PCDHA4: variants seen among roughly 807,000 people sequenced by gnomAD.
PCDHA4 encodes the protein protocadherin alpha-4.
PCDHA4 carries 49 observed loss-of-function variants against 61.4 expected under a neutral mutation model. That is an observed-to-expected ratio of 0.80 (90% CI 0.63 to 1.01). PCDHA4 has a LOEUF of 1.01. Among genes scored for constraint, PCDHA4 ranks in the 50% least tolerant of loss-of-function variants. PCDHA4 has a pLI of 0.00. For missense variants in PCDHA4, 1,254 were observed against 1,235.8 expected, an observed-to-expected ratio of 1.01 and a Z score of -0.22; for synonymous variants, 590 against 550.3, an observed-to-expected ratio of 1.07 and a Z score of -1.01.
chr5:140,848,317 A>T, intron 1 of PCDHA4: 1 of 749,894 alleles, frequency 1.3e-6, no homozygotes. Context: ...CTTTGCCGCG[A>T]TGTTCTCTCT....
chr5:140,857,527 G>T (rs147361555), intron 1 of PCDHA4: 13 of 1,597,684 alleles, frequency 8.1e-6, no homozygotes, highest in Non-Finnish European at 1.1e-5. Flanking sequence ...CCTACTCTCT[G>T]GTGGAGCGGC....
rs566250084 is a variant in PCDHA4 at position 140,877,055 on chromosome 5, T to G, written c.2385+67483T>G. The G allele has an allele frequency of 2.5e-6, 4 of 1,612,792 alleles. No homozygotes were observed. In the East Asian group the frequency reaches 8.9e-5, roughly 36 times the overall value. On this transcript the variant is annotated intron_variant, in intron 1 of 3. Coordinates refer to ENST00000530339, the MANE Select transcript of PCDHA4 (RefSeq NM_018907.4). ...CTGCAGCCGCTAGACCACGAGGAGC[T>G]GGAGCTGCTGCAGTTCCAGGTGAGC...
intron 3 of PCDHA4, among the ~76,000 whole-genome samples, chr5:140,994,883 A>T (rs1197020328): frequency 6.6e-6 from 1 of 152,222 alleles, no homozygotes; most frequent in Non-Finnish European, 1.5e-5. Flanking sequence ...AAGAGATGTT[A>T]GGAAATGAGA....
intron 1 of PCDHA4, among the ~76,000 whole-genome samples, chr5:140,908,585 G>A (rs782742805): frequency 3.9e-5 from 6 of 152,160 alleles, no homozygotes; most frequent in South Asian, 4.1e-4. Flanking sequence ...AGAGTAGTTA[G>A]CTGCAGAAGA....
intron 1 of PCDHA4, among the ~76,000 whole-genome samples, chr5:140,900,791 T>A (rs2068293056): frequency 6.6e-6 from 1 of 152,200 alleles, no homozygotes; most frequent in African/African-American, 2.4e-5. Flanking sequence ...TCCAAACTGT[T>A]CTCCATAGTG....
chr5:140,988,051 T>C (rs903060920), intron 3 of PCDHA4, among the ~76,000 whole-genome samples: 2 of 152,240 alleles, frequency 1.3e-5, no homozygotes, highest in African/African-American at 2.4e-5. Flanking sequence ...TTAGGAGCAC[T>C]GTCAACATGA....
chr5:140,925,596 T>G (rs1218423622), intron 1 of PCDHA4, among the ~76,000 whole-genome samples: 1 of 151,466 alleles, frequency 6.6e-6, no homozygotes, highest in Admixed American at 6.6e-5. Context: ...TGTATACATA[T>G]GTAACAAACC....
At chr5:140,977,284 G>T (rs1377580391) in intron 1 of PCDHA4, among the ~76,000 whole-genome samples, 1 of 152,210 alleles carries the variant, frequency 6.6e-6, no homozygotes, top group Admixed American at 6.5e-5. Flanking sequence ...TCAAAGGAAG[G>T]TTCTCTCAGC....
chr5:140,862,992 C>T (rs781974665), intron 1 of PCDHA4: 29 of 548,250 alleles, frequency 5.3e-5, no homozygotes, highest in South Asian at 3.7e-4. Context: ...AAGGTGCGCA[C>T]GGTGGACTCC....
intron 3 of PCDHA4, among the ~76,000 whole-genome samples, chr5:141,000,691 G>A (rs1177204689): frequency 3.3e-5 from 5 of 151,460 alleles, no homozygotes; most frequent in African/African-American, 1.2e-4. Flanking sequence ...GCCTCCCAAA[G>A]TGCTGGGATT....
At chr5:140,818,515 C>T (rs1370679043) in intron 1 of PCDHA4, among the ~76,000 whole-genome samples, 2 of 152,136 alleles carry the variant, frequency 1.3e-5, no homozygotes, top group Non-Finnish European at 2.9e-5. Context: ...TCAGATATAA[C>T]CTGAGAGATT....
intron 1 of PCDHA4, among the ~76,000 whole-genome samples, chr5:140,944,151 A>G (rs2093615419): frequency 6.6e-6 from 1 of 152,070 alleles, no homozygotes; most frequent in African/African-American, 2.4e-5. Flanking sequence ...GAAGAGTTGA[A>G]AATTAAAGGG....
At chr5:140,849,106 A>C (rs2150430593) in intron 1 of PCDHA4, 1 of 1,455,018 alleles carries the variant, frequency 6.9e-7, no homozygotes, top group South Asian at 1.2e-5. Flanking sequence ...GACAGAGAAG[A>C]AACTCCGGAG....
chr5:140,976,453 G>A (rs1554237653), intron 1 of PCDHA4, among the ~76,000 whole-genome samples: 1 of 152,032 alleles, frequency 6.6e-6, no homozygotes, highest in Admixed American at 6.6e-5. Flanking sequence ...AGGGAGGCTG[G>A]GGAAGAAGAA....
intron 1 of PCDHA4, chr5:140,851,076 A>G: frequency 7.5e-7 from 1 of 1,337,516 alleles, no homozygotes; most frequent in Non-Finnish European, 9.8e-7. Flanking sequence ...AGAATTATAA[A>G]CTGTATATTA....
intron 3 of PCDHA4, among the ~76,000 whole-genome samples, chr5:140,993,092 G>A (rs1441562927): frequency 6.6e-6 from 1 of 152,222 alleles, no homozygotes; most frequent in East Asian, 1.9e-4. Flanking sequence ...GCAGGGCTAT[G>A]TTTATTCAGC....
intron 1 of PCDHA4, chr5:140,836,486 C>T: frequency 6.2e-7 from 1 of 1,613,874 alleles, no homozygotes; most frequent in Non-Finnish European, 8.5e-7. Context: ...TGTACCTGAT[C>T]ATCGCCATCT....
rs782520846 is a variant in PCDHA4, at chr5:140,842,848, G to T, written c.2385+33276G>T. On this transcript the variant is annotated intron_variant, in intron 1 of 3. Coordinates refer to ENST00000530339, the MANE Select transcript of PCDHA4 (RefSeq NM_018907.4). ...AGCGCTCGCTGTCGAGCTACATTTC[G>T]GTGCACACGGAGAGCGGCAAGGTGT... The T allele has an allele frequency of 1.9e-6, 3 of 1,593,918 alleles. 1 individual carries two copies. Among genetic ancestry groups the T allele is most frequent in the Non-Finnish European group, 2.6e-6 (3 of 1,165,378 alleles).
chr5:140,839,240 T>C (rs2150295728), intron 1 of PCDHA4, among the ~76,000 whole-genome samples: 1 of 152,152 alleles, frequency 6.6e-6, no homozygotes, highest in African/African-American at 2.4e-5. Context: ...TTTTATTGCT[T>C]TGCTTTTATG....
Sources: allele counts gnomAD v4.1 joint callset (sites outside exome capture counted in the v4.1 genomes callset), GRCh38; gene constraint gnomAD v4.1.1; transcripts MANE v1.5; gene names NCBI Gene and HGNC (gene_info 2026-07-23, HGNC 2026-07-21).